The following B3GALT1 variants were observed in gnomAD, a reference collection of about 807,000 sequenced individuals.
B3GALT1 encodes beta-1,3-galactosyltransferase 1, also known as UDP-Gal:betaGlcNAc beta 1,3-galactosyltransferase, polypeptide 1.
Under a neutral mutation model 23.2 loss-of-function variants are expected in B3GALT1, and 10 were observed. The ratio of observed to expected loss-of-function variants is 0.43; its 90% confidence interval spans 0.27 to 0.73. The LOEUF (loss-of-function observed/expected upper bound fraction) is 0.73, where lower values mean the gene tolerates loss of function less well. Among genes scored for constraint, B3GALT1 ranks in the 30% least tolerant of loss-of-function variants. B3GALT1 has a pLI of 0.21. For synonymous variants in B3GALT1, 156 were observed against 141.5 expected (o/e 1.10, Z -0.73); for missense variants, 299 against 405.4 (o/e 0.74, Z 2.25).
At chr2:167,573,804 G>A (rs1374058652) in intron 2 of B3GALT1, among the ~76,000 whole-genome samples, 2 of 151,522 alleles carry the variant, frequency 1.3e-5, no homozygotes, top group African/African-American at 4.8e-5. Context: ...CATGACAATT[G>A]GCTTATGGGG....
At chr2:167,633,847 A>T (rs1052086630) in intron 2 of B3GALT1, among the ~76,000 whole-genome samples, 7 of 152,148 alleles carry the variant, frequency 4.6e-5, no homozygotes, top group African/African-American at 1.7e-4. Context: ...AAGCAGACCT[A>T]ATAGACATCT....
At chr2:167,348,090 A>G (rs953542257) in intron 1 of B3GALT1, among the ~76,000 whole-genome samples, 7 of 152,240 alleles carry the variant, frequency 4.6e-5, no homozygotes, top group African/African-American at 1.4e-4. Flanking sequence ...TTATGGAACC[A>G]TTGTGATGAT....
At chr2:167,318,630 A>C (rs1696757036) in intron 1 of B3GALT1, among the ~76,000 whole-genome samples, 1 of 152,132 alleles carries the variant, frequency 6.6e-6, no homozygotes, top group Admixed American at 6.5e-5. Context: ...ATAATTATTT[A>C]AGCTTAACAT....
Position 167,869,106 on chromosome 2 carries a change from T to C in B3GALT1, c.67T>C (p.Leu23=), listed in dbSNP as rs1690291274. Residue 23 remains leucine (L), a synonymous_variant, in exon 5 of 5, where the codon TTG becomes CTG. Coordinates refer to ENST00000392690, the MANE Select transcript of B3GALT1 (RefSeq NM_020981.4). This position sits in a 1 kb window ranked among gnomAD's most constrained non-coding sequence, Gnocchi z 6.4. ...GTGCTGGGCCAGCGCTCTCTGGTAC[T>C]TGAGTATAACTCGCCCTACTTCTTC... is the stretch of plus-strand genomic sequence containing the variant. The part of the protein sequence containing the change: ...VVCWASALWY[L]SITRPTSSYT... The C allele has an allele frequency of 2.5e-6, 4 of 1,614,086 alleles. No homozygotes were observed. The highest frequency in any genetic ancestry group is 3.4e-6 in the Non-Finnish European group (4 of 1,180,032).
intron 3 of B3GALT1, among the ~76,000 whole-genome samples, chr2:167,734,516 CCCGTGCACCATGTGAGT>C (rs1447233860): frequency 6.6e-6 from 1 of 152,118 alleles, no homozygotes; most frequent in Non-Finnish European, 1.5e-5. Context: ...GAATGAGACC[CCCGTGCACCATGTGAGT>C]CCTTGGCCAT....
chr2:167,372,828 C>T (rs1044124805), intron 1 of B3GALT1, among the ~76,000 whole-genome samples: 2 of 151,832 alleles, frequency 1.3e-5, no homozygotes, highest in South Asian at 2.1e-4. Flanking sequence ...TAAGGAAGAC[C>T]TAAATAAATG....
chr2:167,396,914 A>T (rs758588376), intron 1 of B3GALT1, among the ~76,000 whole-genome samples: 13 of 152,138 alleles, frequency 8.5e-5, no homozygotes, highest in Non-Finnish European at 1.9e-4. Context: ...AATGCAATGA[A>T]CAAAGTTCTC....
chr2:167,447,573 C>G (rs576603265), intron 1 of B3GALT1, among the ~76,000 whole-genome samples: 1 of 152,254 alleles, frequency 6.6e-6, no homozygotes, highest in South Asian at 2.1e-4. Flanking sequence ...AGGCACCCCT[C>G]CCCCAGCCTC....
At chr2:167,469,068 C>T (rs192741675) in intron 1 of B3GALT1, among the ~76,000 whole-genome samples, 10 of 152,248 alleles carry the variant, frequency 6.6e-5, no homozygotes, top group Non-Finnish European at 1.2e-4. Context: ...CCTCCTGTGA[C>T]GCTATTCCTG....
chr2:167,383,295 G>T (rs1697869519), intron 1 of B3GALT1, among the ~76,000 whole-genome samples: 1 of 151,434 alleles, frequency 6.6e-6, no homozygotes, highest in South Asian at 2.1e-4. Flanking sequence ...ACTTCTAATT[G>T]TAACAGAAAT....
intron 3 of B3GALT1, among the ~76,000 whole-genome samples, chr2:167,721,072 C>G (rs1224459062): frequency 1.3e-5 from 2 of 152,088 alleles, no homozygotes; most frequent in Non-Finnish European, 2.9e-5. Flanking sequence ...CCATCTTTCT[C>G]TCTCTTCTCT....
intron 4 of B3GALT1, among the ~76,000 whole-genome samples, chr2:167,852,807 T>TA (rs1689930154): frequency 6.6e-6 from 1 of 152,204 alleles, no homozygotes; most frequent in African/African-American, 2.4e-5. Flanking sequence ...TTGTTGAAGC[T>TA]AATACTGGAT....
intron 3 of B3GALT1, among the ~76,000 whole-genome samples, chr2:167,744,009 A>G (rs998194131): frequency 8.5e-5 from 13 of 152,104 alleles, no homozygotes; most frequent in African/African-American, 2.9e-4. Context: ...AAAGGTTTTG[A>G]TTTATGAGTT....
intron 3 of B3GALT1, among the ~76,000 whole-genome samples, chr2:167,754,346 A>G (rs1687782584): frequency 6.6e-6 from 1 of 152,210 alleles, no homozygotes. Flanking sequence ...AGTTAGACTC[A>G]CCTGGGGAGT....
At chr2:167,736,793 G>A (rs921337815) in intron 3 of B3GALT1, among the ~76,000 whole-genome samples, 4 of 152,084 alleles carry the variant, frequency 2.6e-5, no homozygotes, top group Non-Finnish European at 5.9e-5. Context: ...AAGTAGCCGG[G>A]TGTGGTGGTG....
chr2:167,534,726 G>GA (rs1683386815), intron 2 of B3GALT1, among the ~76,000 whole-genome samples: 1 of 152,094 alleles, frequency 6.6e-6, no homozygotes, highest in Admixed American at 6.5e-5. Context: ...TAGATATTTA[G>GA]ATATTTATAT....
intron 3 of B3GALT1, among the ~76,000 whole-genome samples, chr2:167,694,450 A>G (rs747930856): frequency 6.6e-6 from 1 of 151,616 alleles, no homozygotes; most frequent in Non-Finnish European, 1.5e-5. Context: ...TAACTTAACT[A>G]TGTAAACAAG....
Position 167,601,981 on chromosome 2 carries a change from T to C in B3GALT1, c.-409-44928T>C, listed in dbSNP as rs1425402004. ...TTATCACAGTCCAAAATAAGAAATA[T>C]GTTTTATATCAAAACAACAGAACAC... On this transcript the variant is annotated intron_variant, in intron 2 of 4. Coordinates refer to ENST00000392690, the MANE Select transcript of B3GALT1 (RefSeq NM_020981.4). 2.0e-5 allele frequency among the ~76,000 whole-genome samples: 3 copies of C among 152,206 alleles called. No individual in the cohort carries two copies. The East Asian group carries it at 5.8e-4, about 29-fold the overall frequency.
intron 1 of B3GALT1, among the ~76,000 whole-genome samples, chr2:167,303,404 G>A (rs568255102): frequency 6.6e-6 from 1 of 152,000 alleles, no homozygotes; most frequent in African/African-American, 2.4e-5. Flanking sequence ...TTAACTTTAT[G>A]TGTCAACTTG....
Sources: gnomAD v4.1 joint callset for allele counts (sites outside exome capture counted in the v4.1 genomes callset) on GRCh38, gnomAD v4.1.1 for gene constraint, Gnocchi (gnomAD v3.1) non-coding constraint, MANE v1.5 for transcripts, NCBI Gene and HGNC (gene_info 2026-07-23, HGNC 2026-07-21) for gene names.